Variants in SLC1A1 observed in about 807,000 individuals in gnomAD.
SLC1A1 encodes the protein excitatory amino acid transporter 3.
SLC1A1 carries 43 observed loss-of-function variants against 53.3 expected under a neutral mutation model. The observed-to-expected ratio is 0.81, with a 90% CI of 0.63 to 1.04. SLC1A1 has a LOEUF of 1.04. Ranked by LOEUF, SLC1A1 falls within the 50% of genes least tolerant of loss-of-function variation. The pLI is 0.00. For missense variants in SLC1A1, 748 were observed against 664.9 expected (o/e 1.12, Z -1.37); for synonymous variants, 307 against 243.2 (o/e 1.26, Z -2.44).
intron 11 of SLC1A1, among the ~76,000 whole-genome samples, chr9:4,584,112 G>A (rs1035148714): frequency 1.3e-5 from 2 of 152,224 alleles, no homozygotes; most frequent in African/African-American, 4.8e-5. Flanking sequence ...AACCAGCTCA[G>A]GCTCACTGGG....
intron 2 of SLC1A1, among the ~76,000 whole-genome samples, 178 bp downstream of exon 2, chr9:4,544,885 C>T (rs1340523121): frequency 6.6e-6 from 1 of 152,192 alleles, no homozygotes; most frequent in Non-Finnish European, 1.5e-5. Context: ...AGCAAGACAA[C>T]CTCCTTCACA....
chr9:4,547,948 C>T (rs1294030903), intron 2 of SLC1A1, among the ~76,000 whole-genome samples: 1 of 152,050 alleles, frequency 6.6e-6, no homozygotes, highest in African/African-American at 2.4e-5. Context: ...ATAGTGTATA[C>T]AATCCAAATT....
chr9:4,527,281 T>C (rs1011017158), intron 1 of SLC1A1, among the ~76,000 whole-genome samples: 1 of 152,206 alleles, frequency 6.6e-6, no homozygotes, highest in African/African-American at 2.4e-5. Flanking sequence ...TGTGAGACCC[T>C]GAGCAGAGGA....
intron 1 of SLC1A1, among the ~76,000 whole-genome samples, chr9:4,542,888 C>T (rs1280436031): frequency 6.6e-6 from 1 of 152,078 alleles, no homozygotes; most frequent in Non-Finnish European, 1.5e-5. Context: ...GTCTTAGCTA[C>T]AATTTGGGAA....
At chr9:4,565,643 C>G (rs1046378965) in intron 4 of SLC1A1, among the ~76,000 whole-genome samples, 56 of 152,170 alleles carry the variant, frequency 3.7e-4, no homozygotes, top group Non-Finnish European at 7.5e-4. Flanking sequence ...CACAAGGCCC[C>G]TCCCCTGACA....
At chr9:4,542,238 C>T (rs1817079855) in intron 1 of SLC1A1, among the ~76,000 whole-genome samples, 1 of 152,126 alleles carries the variant, frequency 6.6e-6, no homozygotes, top group Non-Finnish European at 1.5e-5. Context: ...CAATTTGTGG[C>T]ACTCAATTTC....
At chr9:4,531,146 T>G (rs1196216648) in intron 1 of SLC1A1, among the ~76,000 whole-genome samples, 1 of 152,088 alleles carries the variant, frequency 6.6e-6, no homozygotes, top group East Asian at 1.9e-4. Flanking sequence ...AGAAGATGGG[T>G]GATTTCTGCA....
intron 2 of SLC1A1, among the ~76,000 whole-genome samples, chr9:4,548,032 A>G (rs573488885): frequency 6.6e-6 from 1 of 152,292 alleles, no homozygotes; most frequent in South Asian, 2.1e-4. Context: ...GTAAGAAAAC[A>G]TGATCTGTTC....
intron 1 of SLC1A1, among the ~76,000 whole-genome samples, chr9:4,512,362 G>C (rs1023283360): frequency 6.6e-6 from 1 of 152,042 alleles, no homozygotes; most frequent in Non-Finnish European, 1.5e-5. Flanking sequence ...ACAAAACTTA[G>C]CCAGGCATGG....
Position 4,577,544 on chromosome 9 carries a change from C to T in SLC1A1, c.1193+781C>T, listed in dbSNP as rs193282323. ...AGGCTGGAGTGCAGTGGCACAATCT[C>T]GGCTCACCACAACCTCCGCCTCCAG... On this transcript the variant is annotated intron_variant, in intron 10 of 11. Transcript: ENST00000262352. Among the ~76,000 whole-genome samples the T allele has an allele frequency of 1.1e-3, 164 of 152,256 alleles. 1 individual carries two copies. The highest frequency in any genetic ancestry group is 6.8e-3 in the Middle Eastern group (2 of 294).
intron 2 of SLC1A1, chr9:4,553,879 T>C (rs1222599273): frequency 1.3e-5 from 2 of 152,246 alleles, no homozygotes; most frequent in Non-Finnish European, 2.9e-5. Context: ...AGAAAGATTT[T>C]GCATGCTCCT....
intron 1 of SLC1A1, among the ~76,000 whole-genome samples, chr9:4,509,349 T>C (rs1198074451): frequency 1.3e-5 from 2 of 151,968 alleles, no homozygotes; most frequent in African/African-American, 4.8e-5. Context: ...AAGGGACTAT[T>C]TATAGAGTTC....
At chr9:4,527,561 T>C (rs1432663092) in intron 1 of SLC1A1, among the ~76,000 whole-genome samples, 2 of 152,200 alleles carry the variant, frequency 1.3e-5, no homozygotes, top group Non-Finnish European at 2.9e-5. Context: ...TTTGCCATTC[T>C]GCTATACCTT....
intron 4 of SLC1A1, 29 bp downstream of exon 4, chr9:4,564,487 A>G (rs1819294955): frequency 2.2e-6 from 3 of 1,360,420 alleles, no homozygotes; most frequent in South Asian, 2.4e-5. Flanking sequence ...GGTGGCTTCA[A>G]GGGCATGCGG....
chr9:4,579,058 C>G (rs781375654), intron 10 of SLC1A1, among the ~76,000 whole-genome samples: 5 of 152,190 alleles, frequency 3.3e-5, no homozygotes, highest in Admixed American at 1.3e-4. Flanking sequence ...TAAATCCTCC[C>G]CAACCCTAAA....
At chr9:4,555,963 A>G (rs1818336480) in intron 2 of SLC1A1, among the ~76,000 whole-genome samples, 1 of 151,368 alleles carries the variant, frequency 6.6e-6, no homozygotes, top group Non-Finnish European at 1.5e-5. Flanking sequence ...AGTTATATTA[A>G]AAATAGACAT....
At chr9:4,497,928 C>T (rs959187067) in intron 1 of SLC1A1, among the ~76,000 whole-genome samples, 2 of 152,078 alleles carry the variant, frequency 1.3e-5, no homozygotes, top group Non-Finnish European at 2.9e-5. Context: ...CATCTATTAC[C>T]ACTTATAGGT....
At chr9:4,520,484 A>T (rs778851576) in intron 1 of SLC1A1, among the ~76,000 whole-genome samples, 2 of 152,154 alleles carry the variant, frequency 1.3e-5, no homozygotes, top group Non-Finnish European at 2.9e-5. Flanking sequence ...TGTTCTGGAC[A>T]TTTCATATAA....
chr9:4,564,261 A>G (rs1304876664), intron 3 of SLC1A1, 83 bp from the exon 4 acceptor site: 2 of 914,418 alleles, frequency 2.2e-6, no homozygotes, highest in African/African-American at 3.3e-5. Context: ...TGGTACAACC[A>G]TGCCCATTGT....
Sources: gnomAD v4.1 joint callset for allele counts (sites outside exome capture counted in the v4.1 genomes callset) on GRCh38, gnomAD v4.1.1 for gene constraint, MANE v1.5 for transcripts, NCBI Gene and HGNC (gene_info 2026-07-23, HGNC 2026-07-21) for gene names.